CENPF: variants seen among roughly 807,000 people sequenced by gnomAD.
CENPF encodes AH antigen.
Under a neutral mutation model 307.3 loss-of-function variants are expected in CENPF, and 214 were observed. That is an observed-to-expected ratio of 0.70 (90% CI 0.62 to 0.78). The LOEUF (loss-of-function observed/expected upper bound fraction) is 0.78. Ranked by LOEUF, CENPF falls within the 30% of genes least tolerant of loss-of-function variation. CENPF has a pLI of 0.00. For missense variants in CENPF, 3,401 were observed against 3,483.9 expected (o/e 0.98, Z 0.60); for synonymous variants, 1,259 against 1,270.6 (o/e 0.99, Z 0.19).
At chr1:214,655,060 T>G in intron 16 of CENPF, 181 bp from the exon 17 acceptor site, 2 of 399,770 alleles carry the variant, frequency 5.0e-6, no homozygotes, top group Non-Finnish European at 8.8e-6. Flanking sequence ...ACATTGTCAG[T>G]TGGGGGGACT....
intron 2 of CENPF, 95 bp downstream of exon 2, chr1:214,614,011 T>A: frequency 1.7e-6 from 2 of 1,174,226 alleles, no homozygotes; most frequent in South Asian, 4.2e-5. Flanking sequence ...GGATTAATTA[T>A]TTCATCTTCT....
chr1:214,638,221 C>T (rs555984631), intron 11 of CENPF, among the ~76,000 whole-genome samples: 4 of 152,114 alleles, frequency 2.6e-5, no homozygotes, highest in South Asian at 2.1e-4. Flanking sequence ...GAGTCCCAAA[C>T]GCCTGATGCT....
chr1:214,627,518 C>T (rs368335548), intron 7 of CENPF, among the ~76,000 whole-genome samples: 5 of 151,814 alleles, frequency 3.3e-5, no homozygotes, highest in African/African-American at 4.8e-5. Context: ...GGATTACAGG[C>T]GCATGCCACC....
In CENPF at chr1:214,646,797, T is replaced by C; in HGVS notation, c.7227T>C (p.Ser2409=). Residue 2409 remains serine, a synonymous_variant, in exon 13 of 20, where the codon TCT becomes TCC. Transcript: ENST00000366955. ...NELQKEQERI[S]ELEIINSSFE... is the part of the protein sequence containing the mutation. ...TACAAAAAGAGCAAGAGCGAATATC[T>C]GAATTAGAAATAATAAATTCATCAT... 1 of 1,611,220 alleles carries C rather than the reference T, an allele frequency of 6.2e-7. No homozygotes were observed. The highest frequency in any genetic ancestry group is 8.5e-7 in the Non-Finnish European group (1 of 1,179,066).
chr1:214,643,040 G>T lies in CENPF; in HGVS notation c.4702G>T (p.Glu1568Ter). 1.2e-6 allele frequency: 2 copies of T among 1,610,702 alleles called. No homozygotes were observed. The highest frequency in any genetic ancestry group is 8.5e-7 in the Non-Finnish European group (1 of 1,179,130). Residue 1568 changes from glutamate (E) to a stop codon, truncating the protein, a stop_gained, in exon 12 of 20, where the codon GAG becomes TAG. Transcript: ENST00000366955. LOFTEE classifies it high-confidence loss of function. The stretch of plus-strand genomic sequence containing the variant: ...CCGGCAGTCCCTCGAGAAGCTAGAA[G>T]AGAAAATGGAAAGTCAAGGGATTAT... ...VYRQSLEKLE[E>*]KMESQGIMKN...
chr1:214,616,580 GTA>G (rs1657343712), intron 3 of CENPF, among the ~76,000 whole-genome samples: 1 of 143,990 alleles, frequency 6.9e-6, no homozygotes, highest in Non-Finnish European at 1.5e-5. Context: ...TGAAATGAGA[GTA>G]TCTTGAAAAT....
chr1:214,641,284 T>C lies in CENPF; in HGVS notation c.2946T>C (p.Ile982=). The C allele has an allele frequency of 6.2e-7, 1 of 1,605,916 alleles. No homozygotes were observed. The highest frequency in any genetic ancestry group is 8.5e-7 in the Non-Finnish European group (1 of 1,178,046). Reference sequence around the variant, plus strand: ...AAGAGAATGGGACTCTTAAGGAAATTAATGCATCCTTAAATCAAGAGAAGA... The same window carrying C: ...AAGAGAATGGGACTCTTAAGGAAATCAATGCATCCTTAAATCAAGAGAAGA... ...LTQENGTLKE[I]NASLNQEKMN... The change falls in exon 12 of 20, where the codon ATT becomes ATC. Residue 982 remains isoleucine, a synonymous_variant. Coordinates refer to ENST00000366955, the MANE Select transcript of CENPF (RefSeq NM_016343.4).
At position 214,620,648 on chromosome 1, in the gene CENPF, T is replaced by C. The variant is rs1220184795; in HGVS notation, c.574-7T>C. The C allele has an allele frequency of 6.2e-7, 1 of 1,603,662 alleles. No individual in the cohort carries two copies. The highest frequency in any genetic ancestry group is 1.1e-5 in the South Asian group (1 of 89,034). ...TAAAGGCCTCTAAAGAGATTCTGTT[T>C]CTACAGAAAGCAAGCCAGACTCTTC... On this transcript the variant is annotated splice_region_variant and splice_polypyrimidine_tract_variant and intron_variant, in intron 5 of 19. Coordinates refer to ENST00000366955, the MANE Select transcript of CENPF (RefSeq NM_016343.4).
chr1:214,646,531 T>C lies in CENPF; in HGVS notation c.6961T>C (p.Leu2321=). 3.1e-6 allele frequency: 5 copies of C among 1,614,120 alleles called. No homozygotes were observed. Among genetic ancestry groups the C allele is most frequent in the Non-Finnish European group, 4.2e-6 (5 of 1,180,016 alleles). The change falls in exon 13 of 20, where the codon TTA becomes CTA. Residue 2321 remains leucine (L), a synonymous_variant. Transcript: ENST00000366955. ...EADEKKQLCV[L]QQLKESEHHA... ...TGATGAAAAGAAGCAGCTCTGTGTC[T>C]TACAACAACTGAAGGAAAGTGAGCA...
Position 214,663,571 on chromosome 1 carries a change from C to T in CENPF, c.9142-20C>T. On this transcript the variant is annotated intron_variant, in intron 19 of 19. Coordinates refer to ENST00000366955, the MANE Select transcript of CENPF (RefSeq NM_016343.4). Reference sequence around the variant, plus strand: ...AATGTGAATGTGATTGAACCTCTAACAGAGATGTTTGTGTTGCAGGTCAAA... The same window carrying T: ...AATGTGAATGTGATTGAACCTCTAATAGAGATGTTTGTGTTGCAGGTCAAA... The T allele has an allele frequency of 6.2e-7, 1 of 1,612,290 alleles. No homozygotes were observed. The highest frequency in any genetic ancestry group is 2.2e-5 in the East Asian group (1 of 44,874).
Position 214,615,019 on chromosome 1 carries a change from A to T in CENPF, c.350A>T (p.Glu117Val). 1 of 1,598,640 alleles carries T rather than the reference A, an allele frequency of 6.3e-7. No homozygotes were observed. Among genetic ancestry groups the T allele is most frequent in the Non-Finnish European group, 8.5e-7 (1 of 1,173,734 alleles). ...GKKQIEKLEQ[E>V]LKRCKSELER... ...AAACAAATAGAAAAACTGGAACAGG[A>T]ACTTAAAAGGTAATATTTTGGGATG... Residue 117 changes from glutamate (E) to valine (V), a missense_variant, in exon 3 of 20, where the codon GAA (glutamate) becomes GTA (valine). Glu to Val is a moderately radical substitution (Grantham distance 121). Transcript: ENST00000366955.
At chr1:214,611,762 T>C (rs1322802681) in intron 1 of CENPF, among the ~76,000 whole-genome samples, 1 of 152,242 alleles carries the variant, frequency 6.6e-6, no homozygotes, top group African/African-American at 2.4e-5. Flanking sequence ...GATTGCATTT[T>C]TGATTTGGAT....
chr1:214,646,799 A>G lies in CENPF; in HGVS notation c.7229A>G (p.Glu2410Gly). ...CAAAAAGAGCAAGAGCGAATATCTGAATTAGAAATAATAAATTCATCATTT... is the reference window on the plus strand; with the variant it reads ...CAAAAAGAGCAAGAGCGAATATCTGGATTAGAAATAATAAATTCATCATTT... ...ELQKEQERIS[E>G]LEIINSSFEN... The change falls in exon 13 of 20, where the codon GAA (glutamate) becomes GGA (glycine). Residue 2410 changes from glutamate (E) to glycine (G), a missense_variant. Physicochemically the swap from Glu to Gly is moderately conservative, Grantham distance 98. Transcript: ENST00000366955. The G allele has an allele frequency of 6.2e-7, 1 of 1,610,890 alleles. No homozygotes were observed. The highest frequency in any genetic ancestry group is 8.5e-7 in the Non-Finnish European group (1 of 1,178,950).
chr1:214,606,686 C>T (rs1657043037), intron 1 of CENPF, among the ~76,000 whole-genome samples: 1 of 152,126 alleles, frequency 6.6e-6, no homozygotes, highest in African/African-American at 2.4e-5. Context: ...CCCCCTCCCA[C>T]CAGCACCTTC....
In CENPF at chr1:214,641,004, AG is replaced by A; in HGVS notation, c.2668del (p.Glu890LysfsTer14). 1 of 1,582,600 alleles carries A rather than the reference AG, an allele frequency of 6.3e-7. No homozygotes were observed. The highest frequency in any genetic ancestry group is 2.2e-5 in the East Asian group (1 of 44,788). ...ACAAGTCAGCGCATTAGTAAGTTAC[AG>A]GAAGACACTTCTGCTCACCAGAATG... is the stretch of plus-strand genomic sequence containing the variant. Reference protein sequence around the residue: ...AETSQRISKLQEDTSAHQNVV... With the variant: ...AETSQRISKLXEDTSAHQNVV... On this transcript the variant is annotated frameshift_variant, in exon 12 of 20. Transcript: ENST00000366955. LOFTEE classifies it high-confidence loss of function.
Position 214,663,927 on chromosome 1 carries a change from T to C in CENPF, c.*133T>C. On this transcript the variant is annotated 3_prime_UTR_variant, in exon 20 of 20. Coordinates refer to ENST00000366955, the MANE Select transcript of CENPF (RefSeq NM_016343.4). ...AACAATTCCTTAGAAGTCTTAAATA[T>C]ATTGTACTCTTTAGATCTCCCATGT... The C allele has an allele frequency of 1.4e-6, 1 of 697,786 alleles. No individual in the cohort carries two copies. Among genetic ancestry groups the C allele is most frequent in the Non-Finnish European group, 2.4e-6 (1 of 425,340 alleles). 43.2% of individuals were successfully genotyped at this position (697,786 alleles called of 1,614,324 possible).
Position 214,644,654 on chromosome 1 carries a change from A to T in CENPF, c.5084A>T (p.Asp1695Val), listed in dbSNP as rs766337180. 5.6e-6 allele frequency: 9 copies of T among 1,613,998 alleles called. No individual in the cohort carries two copies. In the South Asian group the frequency reaches 8.8e-5, roughly 16 times the overall value. Residue 1695 changes from aspartate (D) to valine (V), a missense_variant, in exon 13 of 20, where the codon GAT becomes GTT. Transcript: ENST00000366955. ...AAGCATGATGTTCATCAGATTTGTG[A>T]TAAAGATGCTCAGCAGGACCTCAAT... ...TPKHDVHQIC[D>V]KDAQQDLNLD...
intron 1 of CENPF, chr1:214,608,643 C>T: frequency 1.2e-6 from 2 of 1,603,792 alleles, no homozygotes; most frequent in Non-Finnish European, 1.7e-6. Flanking sequence ...GGTGCAGCTT[C>T]CAGCGCCCGG....
At position 214,661,313 on chromosome 1, in the gene CENPF, A is replaced by G. The variant is rs146976562; in HGVS notation, c.9142-2278A>G. On this transcript the variant is annotated intron_variant, in intron 19 of 19. Transcript: ENST00000366955. ...ATTCAAACTCTTCAAAACCTAGCCC[A>G]GTAATTTTTAATTTAATTCAGCATT... Among the ~76,000 whole-genome samples, 710 of 152,338 alleles carry G rather than the reference A, an allele frequency of 4.7e-3. 9 individuals carry two copies. The highest frequency in any genetic ancestry group is 0.016 in the African/African-American group (685 of 41,576).
Sources: allele counts gnomAD v4.1 joint callset (sites outside exome capture counted in the v4.1 genomes callset), GRCh38; gene constraint gnomAD v4.1.1; transcripts MANE v1.5; gene names NCBI Gene and HGNC (gene_info 2026-07-23, HGNC 2026-07-21).